Variants in ARHGAP32 observed in about 807,000 individuals in gnomAD.
ARHGAP32 encodes the protein rho GTPase-activating protein 32.
A neutral mutation model predicts 186.5 loss-of-function variants in ARHGAP32; 51 were observed. The ratio of observed to expected loss-of-function variants is 0.27; its 90% CI spans 0.22 to 0.35. ARHGAP32 has a LOEUF of 0.35. Among genes scored for constraint, ARHGAP32 ranks in the 10% least tolerant of loss-of-function variants. The probability of loss-of-function intolerance (pLI) is 1.00; values close to 1 mark genes in which losing one functional copy is unlikely to be tolerated. For synonymous variants in ARHGAP32, 950 were observed against 964.3 expected, an observed-to-expected ratio of 0.99 and a Z score of 0.27; for missense variants, 2,186 against 2,623.5, an observed-to-expected ratio of 0.83 and a Z score of 3.64.
At chr11:128,987,824 G>A (rs1945921466) in intron 13 of ARHGAP32, among the ~76,000 whole-genome samples, 199 bp downstream of exon 13, 1 of 152,056 alleles carries the variant, frequency 6.6e-6, no homozygotes, top group Admixed American at 6.6e-5. Flanking sequence ...AAGAGATTAA[G>A]GTGCATGGTT....
chr11:129,107,844 G>A (rs1942090972), intron 5 of ARHGAP32, among the ~76,000 whole-genome samples: 1 of 137,226 alleles, frequency 7.3e-6, no homozygotes, highest in African/African-American at 2.7e-5. Context: ...CTCCAGCCTG[G>A]GCAACAAGGG....
At chr11:129,017,274 C>T (rs1160498931) in intron 11 of ARHGAP32, among the ~76,000 whole-genome samples, 1 of 151,724 alleles carries the variant, frequency 6.6e-6, no homozygotes, top group Non-Finnish European at 1.5e-5. Flanking sequence ...GCCAACATGG[C>T]GAAAACCTGT....
chr11:129,012,384 A>G (rs984932765), intron 11 of ARHGAP32, among the ~76,000 whole-genome samples: 7 of 152,214 alleles, frequency 4.6e-5, no homozygotes, highest in African/African-American at 1.7e-4. Context: ...ACACTCACAC[A>G]CTTTCCTGAA....
chr11:129,106,983 A>G (rs1303800881), intron 5 of ARHGAP32, among the ~76,000 whole-genome samples: 1 of 152,208 alleles, frequency 6.6e-6, no homozygotes, highest in Non-Finnish European at 1.5e-5. Context: ...TCCAAAATCC[A>G]AAGAGTTCCA....
intron 1 of ARHGAP32, among the ~76,000 whole-genome samples, chr11:129,264,866 G>A (rs535649449): frequency 5.3e-5 from 8 of 152,260 alleles, no homozygotes; most frequent in Admixed American, 1.3e-4. Flanking sequence ...TGAGAATACT[G>A]AGCAACCATT....
intron 1 of ARHGAP32, among the ~76,000 whole-genome samples, chr11:129,233,720 T>G (rs1212831873): frequency 6.6e-6 from 1 of 151,740 alleles, no homozygotes; most frequent in Non-Finnish European, 1.5e-5. Flanking sequence ...ATAGTTAAAA[T>G]GAACTGTATC....
chr11:129,095,397 A>G (rs1941702764), intron 5 of ARHGAP32, among the ~76,000 whole-genome samples: 1 of 152,224 alleles, frequency 6.6e-6, no homozygotes, highest in African/African-American at 2.4e-5. Flanking sequence ...GTGATAAACT[A>G]AAATTACAAC....
At chr11:129,006,454 A>C (rs556720145) in intron 11 of ARHGAP32, among the ~76,000 whole-genome samples, 3 of 152,236 alleles carry the variant, frequency 2.0e-5, no homozygotes, top group Non-Finnish European at 2.9e-5. Context: ...ACCCCAATTC[A>C]ATAATGCTGT....
intron 12 of ARHGAP32, among the ~76,000 whole-genome samples, chr11:128,995,062 CAACT>C (rs994369469): frequency 2.0e-5 from 3 of 151,682 alleles, no homozygotes; most frequent in Admixed American, 6.6e-5. Flanking sequence ...AAAAGCAAGA[CAACT>C]AAGAAAAAAA....
chr11:129,052,110 T>C (rs1940075627), intron 10 of ARHGAP32, among the ~76,000 whole-genome samples: 1 of 152,194 alleles, frequency 6.6e-6, no homozygotes, highest in African/African-American at 2.4e-5. Context: ...GTAAAATAAA[T>C]AAAGTTTACT....
At chr11:129,191,992 T>G (rs1449091226) in intron 1 of ARHGAP32, 91 bp downstream of exon 1, 3 of 961,054 alleles carry the variant, frequency 3.1e-6, no homozygotes. Context: ...AAAGTCTTAT[T>G]GGAAAAAAGA....
intron 11 of ARHGAP32, among the ~76,000 whole-genome samples, chr11:129,033,964 C>T (rs531487756): frequency 6.6e-6 from 1 of 152,308 alleles, no homozygotes; most frequent in East Asian, 1.9e-4. Context: ...ATACCAACGT[C>T]GTAATTAGTG....
At chr11:129,085,168 C>T (rs1941347766) in intron 6 of ARHGAP32, among the ~76,000 whole-genome samples, 3 of 151,912 alleles carry the variant, frequency 2.0e-5, no homozygotes, top group Non-Finnish European at 4.4e-5. Context: ...AGACCACAGG[C>T]ACACACCACC....
chr11:129,267,088 T>G (rs1238259818), intron 1 of ARHGAP32, among the ~76,000 whole-genome samples: 2 of 152,188 alleles, frequency 1.3e-5, no homozygotes, highest in African/African-American at 4.8e-5. Context: ...TCTCTGCACC[T>G]CAGCTTGTTC....
chr11:129,180,350 A>G (rs1371963482), intron 1 of ARHGAP32, among the ~76,000 whole-genome samples: 1 of 152,170 alleles, frequency 6.6e-6, no homozygotes, highest in Non-Finnish European at 1.5e-5. Context: ...CTTTGGGAGA[A>G]GTACTGACTA....
chr11:129,170,999 A>G (rs1252056982), intron 1 of ARHGAP32, among the ~76,000 whole-genome samples: 1 of 152,180 alleles, frequency 6.6e-6, no homozygotes, highest in African/African-American at 2.4e-5. Flanking sequence ...TCCTTTGCCA[A>G]CTTTTTGATG....
At chr11:128,975,577 C>T (rs73029235) in intron 20 of ARHGAP32, among the ~76,000 whole-genome samples, 10,047 of 151,798 alleles carry the variant, frequency 0.066, 407 homozygotes, top group Non-Finnish European at 0.079. Context: ...TCATTTTTTT[C>T]TTTAAGAATA....
At chr11:129,151,681 T>A (rs1413107642) in intron 2 of ARHGAP32, among the ~76,000 whole-genome samples, 4 of 152,164 alleles carry the variant, frequency 2.6e-5, no homozygotes, top group African/African-American at 9.7e-5. Context: ...ATGATAATAC[T>A]GACATAACTT....
At chr11:129,170,359 T>G (rs1943733614) in intron 1 of ARHGAP32, among the ~76,000 whole-genome samples, 1 of 152,064 alleles carries the variant, frequency 6.6e-6, no homozygotes, top group Non-Finnish European at 1.5e-5. Context: ...GGCCCCGATC[T>G]GTGTTGTTCC....
Sources: gnomAD v4.1 joint callset for allele counts (sites outside exome capture counted in the v4.1 genomes callset) on GRCh38, gnomAD v4.1.1 for gene constraint, MANE v1.5 for transcripts, NCBI Gene and HGNC (gene_info 2026-07-23, HGNC 2026-07-21) for gene names.